Variants in TMEM165 observed in about 807,000 individuals in gnomAD.
TMEM165 encodes the protein putative divalent cation/proton antiporter TMEM165.
A neutral mutation model predicts 30.0 loss-of-function variants in TMEM165; 19 were observed. The observed-to-expected ratio is 0.63, with a 90% CI of 0.44 to 0.93. The LOEUF (loss-of-function observed/expected upper bound fraction) is 0.93, where lower values mean the gene tolerates loss of function less well. TMEM165 is among the 40% of genes least tolerant of loss of function. TMEM165 has a pLI of 0.00. For synonymous variants in TMEM165, 168 were observed against 162.9 expected, an observed-to-expected ratio of 1.03 and a Z score of -0.24; for missense variants, 340 against 417.0, an observed-to-expected ratio of 0.82 and a Z score of 1.61.
At chr4:55,431,419 C>T (rs1722492101) in intron 3 of TMEM165, 1 of 152,176 alleles carries the variant, frequency 6.6e-6, no homozygotes, top group East Asian at 1.9e-4. Flanking sequence ...GCAATTACTT[C>T]AGAAGCTCCT....
chr4:55,435,513 G>C, intron 3 of TMEM165: 1 of 1,614,098 alleles, frequency 6.2e-7, no homozygotes, highest in Non-Finnish European at 8.5e-7. Flanking sequence ...TGATGTGACT[G>C]AGGGAAGGTG....
At chr4:55,397,793 C>G (rs1188263596) in intron 1 of TMEM165, among the ~76,000 whole-genome samples, 1 of 152,012 alleles carries the variant, frequency 6.6e-6, no homozygotes, top group African/African-American at 2.4e-5. Context: ...GTCGCCCAGG[C>G]TGGAGTGCAG....
intron 3 of TMEM165, chr4:55,431,413 T>C (rs899952502): frequency 6.6e-6 from 1 of 152,214 alleles, no homozygotes; most frequent in African/African-American, 2.4e-5. Flanking sequence ...TCCTTTGCAA[T>C]TACTTCAGAA....
intron 3 of TMEM165, chr4:55,434,052 A>G (rs1313408789): frequency 6.6e-6 from 1 of 152,654 alleles, no homozygotes; most frequent in Non-Finnish European, 1.5e-5. Context: ...CCTCCAGTCC[A>G]AGAGACTGAT....
intron 3 of TMEM165, chr4:55,432,318 CA>C (rs1331857670): frequency 6.6e-6 from 1 of 151,980 alleles, no homozygotes; most frequent in Admixed American, 6.6e-5. Context: ...ATTTGTTAAA[CA>C]ATACTGACTC....
At chr4:55,422,481 C>T (rs1722021754) in intron 4 of TMEM165, among the ~76,000 whole-genome samples, 1 of 152,140 alleles carries the variant, frequency 6.6e-6, no homozygotes, top group Non-Finnish European at 1.5e-5. Context: ...TGGTCTCAAA[C>T]TCCCAACCTC....
intron 1 of TMEM165, among the ~76,000 whole-genome samples, chr4:55,402,893 G>A (rs565234969): frequency 4.0e-4 from 56 of 140,240 alleles, no homozygotes; most frequent in African/African-American, 1.4e-3. Flanking sequence ...CCGGGTTCAC[G>A]CCATTCTCCT....
chr4:55,450,827 C>G (rs1577701567), intron 3 of TMEM165, among the ~76,000 whole-genome samples: 1 of 151,700 alleles, frequency 6.6e-6, no homozygotes, highest in Middle Eastern at 3.4e-3. Context: ...ACAGCTAAAA[C>G]TACATAACTC....
intron 3 of TMEM165, among the ~76,000 whole-genome samples, chr4:55,448,597 C>CGT (rs1464115730): frequency 9.5e-4 from 69 of 72,930 alleles, no homozygotes; most frequent in African/African-American, 2.5e-3. Flanking sequence ...CGCGCGCACG[C>CGT]GCGCGTGTGT....
At chr4:55,412,946 T>C (rs1368554203) in intron 2 of TMEM165, among the ~76,000 whole-genome samples, 8 of 151,980 alleles carry the variant, frequency 5.3e-5, no homozygotes, top group African/African-American at 1.9e-4. Context: ...ATACATCTCT[T>C]AATGAGATGA....
At chr4:55,440,863 A>G (rs1208108682) in intron 3 of TMEM165, among the ~76,000 whole-genome samples, 1 of 152,178 alleles carries the variant, frequency 6.6e-6, no homozygotes, top group Non-Finnish European at 1.5e-5. Context: ...ATCCAAAGCC[A>G]AGCTCAAGTC....
rs184181658 is a variant in TMEM165 at position 55,435,607 on chromosome 4, T to C, written c.408+10964T>C. 52 of 1,613,552 alleles carry C rather than the reference T, an allele frequency of 3.2e-5. No homozygotes were observed. In the East Asian group the frequency reaches 9.8e-4, roughly 30 times the overall value. On this transcript the variant is annotated intron_variant, in intron 3 of 3. Coordinates refer to the TMEM165 transcript ENST00000608091. ...GCAACCTAGAAGTCTAAAAAACAAATGGATTATGCAGCATTGCTTTACTCC... is the reference window on the plus strand; with the variant it reads ...GCAACCTAGAAGTCTAAAAAACAAACGGATTATGCAGCATTGCTTTACTCC...
downstream of TMEM165, chr4:55,428,781 G>A (rs1042300717): frequency 6.7e-6 from 1 of 150,264 alleles, no homozygotes; most frequent in Admixed American, 6.6e-5. Flanking sequence ...ATTTACAAAG[G>A]TAAAACTTTT....
At chr4:55,413,532 T>G (rs1721600164) in intron 2 of TMEM165, among the ~76,000 whole-genome samples, 1 of 152,204 alleles carries the variant, frequency 6.6e-6, no homozygotes, top group Non-Finnish European at 1.5e-5. Flanking sequence ...GCCAGGCTGG[T>G]CTCAAACTCC....
At chr4:55,398,793 T>G (rs1358188440) in intron 1 of TMEM165, 1 of 151,788 alleles carries the variant, frequency 6.6e-6, no homozygotes, top group Non-Finnish European at 1.5e-5. Flanking sequence ...TAAGACTGGG[T>G]TGAAGTAGTT....
intron 3 of TMEM165, chr4:55,443,692 T>C: frequency 6.2e-7 from 1 of 1,613,472 alleles, no homozygotes; most frequent in Non-Finnish European, 8.5e-7. Flanking sequence ...ATTACCTGAG[T>C]TGATGTACTC....
chr4:55,412,147 C>T, intron 2 of TMEM165: 1 of 385,240 alleles, frequency 2.6e-6, no homozygotes, highest in South Asian at 2.4e-5. Context: ...GTAATCCCAG[C>T]ACTTTGGGAG....
At chr4:55,403,410 T>C (rs1721119124) in intron 1 of TMEM165, 1 of 687,614 alleles carries the variant, frequency 1.5e-6, no homozygotes, top group Non-Finnish European at 1.9e-6. Flanking sequence ...GGAATTACTT[T>C]TTTCTTTGAT....
rs77282535 is a variant in TMEM165, at chr4:55,448,206, C to T, written c.409-4033C>T. On this transcript the variant is annotated intron_variant, in intron 3 of 3. Coordinates refer to the TMEM165 transcript ENST00000608091. ...CTCTAGATGTAATGGTTTTTTAGTT[C>T]ATATATTTGTACTGTCGGCATCTGC... Among the ~76,000 whole-genome samples the T allele has an allele frequency of 8.3e-4, 126 of 152,210 alleles. 1 individual carries two copies. The East Asian group carries it at 0.018, about 21-fold the overall frequency.
Sources: allele counts gnomAD v4.1 joint callset (sites outside exome capture counted in the v4.1 genomes callset), GRCh38; gene constraint gnomAD v4.1.1; transcripts MANE v1.5; gene names NCBI Gene and HGNC (gene_info 2026-07-23, HGNC 2026-07-21).